MIR2052HG: variants seen among roughly 807,000 people sequenced by gnomAD.
MIR2052HG encodes the protein MIR2052 host gene.
intron 2 of MIR2052HG, among the ~76,000 whole-genome samples, chr8:74,648,061 A>G (rs1808712238): frequency 6.6e-6 from 1 of 152,220 alleles, no homozygotes; most frequent in Non-Finnish European, 1.5e-5. Flanking sequence ...GAATAAGGAA[A>G]GATAACCATA....
chr8:74,668,512 T>G (rs927372139), intron 2 of MIR2052HG, among the ~76,000 whole-genome samples: 1 of 152,212 alleles, frequency 6.6e-6, no homozygotes, highest in African/African-American at 2.4e-5. Flanking sequence ...TAAGATATCA[T>G]CTGTGACTTT....
intron 2 of MIR2052HG, among the ~76,000 whole-genome samples, chr8:74,628,078 A>G (rs746726209): frequency 6.6e-6 from 1 of 152,114 alleles, no homozygotes; most frequent in Non-Finnish European, 1.5e-5. Flanking sequence ...GCTTCCTGTC[A>G]TTGTTAACAT....
At chr8:74,718,197 G>A (rs536934866) in intron 4 of MIR2052HG, among the ~76,000 whole-genome samples, 1 of 152,126 alleles carries the variant, frequency 6.6e-6, no homozygotes, top group East Asian at 1.9e-4. Context: ...TTTATAATGT[G>A]TCAGCATGAA....
At chr8:74,718,527 G>T (rs779568143) in intron 4 of MIR2052HG, among the ~76,000 whole-genome samples, 6 of 152,150 alleles carry the variant, frequency 3.9e-5, no homozygotes, top group Non-Finnish European at 5.9e-5. Flanking sequence ...CCTTTTAAAG[G>T]AATAAACCAG....
At chr8:74,626,372 A>T (rs1425643522) in intron 2 of MIR2052HG, among the ~76,000 whole-genome samples, 1 of 152,084 alleles carries the variant, frequency 6.6e-6, no homozygotes, top group Non-Finnish European at 1.5e-5. Flanking sequence ...AGAAATTTGT[A>T]GTTTATTTCC....
At chr8:74,726,284 A>G (rs545625750) in intron 4 of MIR2052HG, among the ~76,000 whole-genome samples, 2 of 152,370 alleles carry the variant, frequency 1.3e-5, no homozygotes, top group East Asian at 3.9e-4. Flanking sequence ...AAAAGAGAGT[A>G]CATGCTTTCC....
At chr8:74,622,956 G>T (rs1262164208) in intron 2 of MIR2052HG, among the ~76,000 whole-genome samples, 1 of 152,176 alleles carries the variant, frequency 6.6e-6, no homozygotes, top group Non-Finnish European at 1.5e-5. Context: ...ACTTATAAGG[G>T]TCACAGTAGC....
At chr8:74,605,162 C>A (rs1201692508) in intron 1 of MIR2052HG, among the ~76,000 whole-genome samples, 1 of 152,152 alleles carries the variant, frequency 6.6e-6, no homozygotes, top group Non-Finnish European at 1.5e-5. Flanking sequence ...CGCCTTCCTC[C>A]CCTCATCAAA....
intron 2 of MIR2052HG, among the ~76,000 whole-genome samples, chr8:74,613,488 AT>A (rs1001202240): frequency 4.0e-5 from 6 of 150,594 alleles, no homozygotes; most frequent in African/African-American, 1.5e-4. Flanking sequence ...GCAGGGATTC[AT>A]TTTTTTTTCA....
chr8:74,673,626 A>G (rs1413489650), intron 2 of MIR2052HG, among the ~76,000 whole-genome samples: 1 of 151,976 alleles, frequency 6.6e-6, no homozygotes, highest in Non-Finnish European at 1.5e-5. Context: ...GGCCAGGACC[A>G]CGTCCATCAA....
chr8:74,677,444 A>G (rs1307300244), intron 2 of MIR2052HG, among the ~76,000 whole-genome samples: 1 of 152,060 alleles, frequency 6.6e-6, no homozygotes, highest in Admixed American at 6.6e-5. Flanking sequence ...CCATAAAGCA[A>G]CTCTCAAACT....
intron 4 of MIR2052HG, among the ~76,000 whole-genome samples, chr8:74,708,368 C>A (rs1809431935): frequency 6.6e-6 from 1 of 152,156 alleles, no homozygotes; most frequent in Admixed American, 6.6e-5. Flanking sequence ...CAGATGCAAA[C>A]CTTCCTCATG....
intron 2 of MIR2052HG, among the ~76,000 whole-genome samples, chr8:74,699,704 G>A (rs148195039): frequency 1.6e-3 from 241 of 152,028 alleles, no homozygotes; most frequent in East Asian, 3.9e-3. Flanking sequence ...TTCGGGTCAC[G>A]GGTGCATGAT....
At chr8:74,654,908 A>T (rs1482027350) in intron 2 of MIR2052HG, among the ~76,000 whole-genome samples, 1 of 152,252 alleles carries the variant, frequency 6.6e-6, no homozygotes, top group East Asian at 1.9e-4. Context: ...AATGGCTTTG[A>T]CCAAAAGCCT....
intron 2 of MIR2052HG, among the ~76,000 whole-genome samples, chr8:74,654,357 T>C (rs1331933271): frequency 1.3e-5 from 2 of 152,092 alleles, no homozygotes; most frequent in Non-Finnish European, 2.9e-5. Context: ...AGACAAAAGA[T>C]ACATGGGTGT....
At chr8:74,648,361 C>T (rs532552488) in intron 2 of MIR2052HG, among the ~76,000 whole-genome samples, 1 of 152,300 alleles carries the variant, frequency 6.6e-6, no homozygotes, top group South Asian at 2.1e-4. Context: ...GAATTCTAGT[C>T]AGAATGGTTG....
At chr8:74,652,388 G>A (rs1223614406) in intron 2 of MIR2052HG, among the ~76,000 whole-genome samples, 1 of 152,100 alleles carries the variant, frequency 6.6e-6, no homozygotes, top group Non-Finnish European at 1.5e-5. Context: ...TTTTTAAAAG[G>A]GAGCCTGTAT....
chr8:74,716,430 G>A (rs976744133), intron 4 of MIR2052HG, among the ~76,000 whole-genome samples: 1 of 152,144 alleles, frequency 6.6e-6, no homozygotes, highest in African/African-American at 2.4e-5. Context: ...AATGAATCCA[G>A]GGCCGGTCAC....
rs138142810 is a variant in MIR2052HG, at chr8:74,626,681, C to T, written n.216+13741C>T. Among the ~76,000 whole-genome samples, 16 of 152,310 alleles carry T rather than the reference C, an allele frequency of 1.1e-4. No homozygotes were observed. In the East Asian group the frequency reaches 3.1e-3, roughly 29 times the overall value. On this transcript the variant is annotated intron_variant and non_coding_transcript_variant, in intron 2 of 6. Coordinates refer to ENST00000523442, the Ensembl canonical transcript of MIR2052HG. Reference sequence around the variant, plus strand: ...ATAGAAAAGACATTGTCAGCATCTGCACCCATCTCTTTCTGTATTTTTTGA... The same window carrying T: ...ATAGAAAAGACATTGTCAGCATCTGTACCCATCTCTTTCTGTATTTTTTGA...
Sources: gnomAD v4.1 joint callset for allele counts (sites outside exome capture counted in the v4.1 genomes callset) on GRCh38, gnomAD v4.1.1 for gene constraint, MANE v1.5 for transcripts, NCBI Gene and HGNC (gene_info 2026-07-23, HGNC 2026-07-21) for gene names.